The following LRRC4C variants were observed in gnomAD, a reference collection of about 807,000 sequenced individuals.
LRRC4C encodes leucine rich repeat containing 4C, also known as leucine-rich repeat-containing protein 4C.
In LRRC4C, 5 loss-of-function variants were observed where a neutral mutation model predicts 33.6. The observed-to-expected ratio is 0.15, with a 90% CI of 0.08 to 0.31. LRRC4C has a LOEUF of 0.31. Ranked by LOEUF, LRRC4C falls within the 10% of genes least tolerant of loss-of-function variation. The pLI, the probability that LRRC4C is intolerant of heterozygous loss-of-function variation, is 1.00. For synonymous variants in LRRC4C, 329 were observed against 302.0 expected, an observed-to-expected ratio of 1.09 and a Z score of -0.93; for missense variants, 560 against 796.7, an observed-to-expected ratio of 0.70 and a Z score of 3.58.
At chr11:40,526,360 T>G (rs1466241973) in intron 3 of LRRC4C, among the ~76,000 whole-genome samples, 1 of 151,968 alleles carries the variant, frequency 6.6e-6, no homozygotes, top group Non-Finnish European at 1.5e-5. Flanking sequence ...CAGCATACAT[T>G]AAAAAACCCT....
intron 1 of LRRC4C, among the ~76,000 whole-genome samples, chr11:41,132,621 C>T (rs1396329497): frequency 2.0e-5 from 3 of 152,132 alleles, no homozygotes; most frequent in African/African-American, 4.8e-5. Context: ...AATTAAAACA[C>T]AAATGTTAAG....
chr11:41,355,044 G>A (rs1488837897), intron 1 of LRRC4C, among the ~76,000 whole-genome samples: 1 of 152,086 alleles, frequency 6.6e-6, no homozygotes, highest in Non-Finnish European at 1.5e-5. Context: ...ACTATCAACA[G>A]AGCAAACAGA....
At chr11:40,860,101 A>AATAC (rs1954005977) in intron 2 of LRRC4C, among the ~76,000 whole-genome samples, 1 of 151,234 alleles carries the variant, frequency 6.6e-6, no homozygotes, top group South Asian at 2.1e-4. Context: ...AAAATAAATA[A>AATAC]ATAAATAAAT....
intron 3 of LRRC4C, among the ~76,000 whole-genome samples, chr11:40,551,393 C>G (rs552371192): frequency 1.5e-4 from 23 of 152,242 alleles, no homozygotes; most frequent in African/African-American, 5.5e-4. Flanking sequence ...TACTATTAAG[C>G]TCCTTTTATG....
intron 1 of LRRC4C, among the ~76,000 whole-genome samples, chr11:41,000,361 C>T (rs1256500457): frequency 1.3e-5 from 2 of 152,182 alleles, no homozygotes; most frequent in East Asian, 3.9e-4. Flanking sequence ...ATTATCAATT[C>T]TCTAGGTAAG....
intron 2 of LRRC4C, among the ~76,000 whole-genome samples, chr11:40,766,353 T>TAAAAAAAAA (rs60152534): frequency 3.8e-4 from 13 of 33,912 alleles, no homozygotes; most frequent in Admixed American, 5.6e-4. Context: ...TTCAGTCTGT[T>TAAAAAAAAA]AAAAAAAAAA....
intron 1 of LRRC4C, among the ~76,000 whole-genome samples, chr11:41,326,670 C>G (rs1951128833): frequency 6.6e-6 from 1 of 152,090 alleles, no homozygotes; most frequent in East Asian, 1.9e-4. Context: ...GGTTTTCTGC[C>G]ATGATACACA....
chr11:41,217,945 A>C (rs889313781), intron 1 of LRRC4C, among the ~76,000 whole-genome samples: 1 of 152,210 alleles, frequency 6.6e-6, no homozygotes, highest in African/African-American at 2.4e-5. Flanking sequence ...TAGCACACAT[A>C]ATCTTCTTAG....
intron 3 of LRRC4C, among the ~76,000 whole-genome samples, chr11:40,336,783 T>C (rs575274149): frequency 6.6e-6 from 1 of 152,062 alleles, no homozygotes; most frequent in East Asian, 1.9e-4. Context: ...GAGACCATCC[T>C]GGCTAACACG....
At chr11:41,081,972 G>A (rs1939607236) in intron 1 of LRRC4C, among the ~76,000 whole-genome samples, 1 of 152,096 alleles carries the variant, frequency 6.6e-6, no homozygotes, top group African/African-American at 2.4e-5. Flanking sequence ...CTTCATCAGT[G>A]CTCATTGAAT....
At position 41,085,342 on chromosome 11, in the gene LRRC4C, A is replaced by G. The variant is rs1590497184; in HGVS notation, c.-495-151619T>C. Among the ~76,000 whole-genome samples, 7 of 152,166 alleles carry G rather than the reference A, an allele frequency of 4.6e-5. No individual in the cohort carries two copies. The South Asian group carries it at 1.5e-3, about 32-fold the overall frequency. Reference sequence around the variant, plus strand: ...CTGAATTGTCCTGGGACCTTTCAAAAAAAAAATATAATGAATCTTTGCCTT... The same window carrying G: ...CTGAATTGTCCTGGGACCTTTCAAAGAAAAAATATAATGAATCTTTGCCTT... On this transcript the variant is annotated intron_variant, in intron 1 of 6. Coordinates refer to ENST00000528697, the MANE Select transcript of LRRC4C (RefSeq NM_001258419.2).
chr11:40,704,836 A>C (rs561078664), intron 2 of LRRC4C, among the ~76,000 whole-genome samples: 1 of 152,254 alleles, frequency 6.6e-6, no homozygotes, highest in East Asian at 1.9e-4. Flanking sequence ...TGGAAACTGC[A>C]CTATTTTAAG....
chr11:41,310,348 G>A (rs1273838393), intron 1 of LRRC4C, among the ~76,000 whole-genome samples: 2 of 152,202 alleles, frequency 1.3e-5, no homozygotes, highest in Non-Finnish European at 2.9e-5. Flanking sequence ...CTTAACAAAT[G>A]TCTCCGACTC....
In LRRC4C at chr11:40,461,377, T is replaced by C. The variant is rs184482554; in HGVS notation, c.-269-141656A>G. On this transcript the variant is annotated intron_variant, in intron 3 of 6. Coordinates refer to ENST00000528697, the MANE Select transcript of LRRC4C (RefSeq NM_001258419.2). ...TTTGACTTGCAGCTCTTCTATTTAC[T>C]AGCTGTGTGGCCATAGGCAAGAGTT... 4.1e-3 allele frequency among the ~76,000 whole-genome samples: 628 copies of C among 152,210 alleles called. 3 individuals carry two copies. The highest frequency in any genetic ancestry group is 4.5e-3 in the Non-Finnish European group (304 of 67,990).
intron 3 of LRRC4C, among the ~76,000 whole-genome samples, chr11:40,513,970 G>T (rs1470522787): frequency 6.6e-6 from 1 of 152,166 alleles, no homozygotes; most frequent in Non-Finnish European, 1.5e-5. Context: ...TAAACTCTCA[G>T]TTCTCTCAGA....
chr11:40,493,318 C>T (rs2138537023), intron 3 of LRRC4C, among the ~76,000 whole-genome samples: 1 of 152,036 alleles, frequency 6.6e-6, no homozygotes, highest in Non-Finnish European at 1.5e-5. Context: ...TATACCTATT[C>T]CAAAATATAC....
At chr11:41,345,559 T>TTCCCATAGCCTA (rs1235234120) in intron 1 of LRRC4C, among the ~76,000 whole-genome samples, 1 of 152,196 alleles carries the variant, frequency 6.6e-6, no homozygotes, top group East Asian at 1.9e-4. Context: ...CTCTTTTGAT[T>TTCCCATAGCCTA]TCCCATAGCC....
At chr11:40,252,481 A>G (rs1866866916) in intron 4 of LRRC4C, among the ~76,000 whole-genome samples, 1 of 152,166 alleles carries the variant, frequency 6.6e-6, no homozygotes, top group East Asian at 1.9e-4. Flanking sequence ...CCAAGACTCC[A>G]TTTTATCTTG....
intron 1 of LRRC4C, among the ~76,000 whole-genome samples, chr11:41,376,308 C>T (rs966787695): frequency 2.6e-5 from 4 of 152,006 alleles, no homozygotes; most frequent in Non-Finnish European, 5.9e-5. Context: ...TGGAACTTGC[C>T]GGTAGAAAAA....
Sources: gnomAD v4.1 joint callset for allele counts (sites outside exome capture counted in the v4.1 genomes callset) on GRCh38, gnomAD v4.1.1 for gene constraint, MANE v1.5 for transcripts, NCBI Gene and HGNC (gene_info 2026-07-23, HGNC 2026-07-21) for gene names.